The following ANTXR1 variants were observed in gnomAD, a reference collection of about 807,000 sequenced individuals.
The protein encoded by ANTXR1 is anthrax toxin receptor 1.
In ANTXR1, 19 loss-of-function variants were observed where a neutral mutation model predicts 78.1. The observed-to-expected ratio is 0.24, with a 90% CI of 0.17 to 0.36. The LOEUF (loss-of-function observed/expected upper bound fraction) is 0.36, where lower values mean the gene tolerates loss of function less well. Among genes scored for constraint, ANTXR1 ranks in the 10% least tolerant of loss-of-function variants. The pLI is 1.00. For missense variants in ANTXR1, 518 were observed against 718.6 expected, an observed-to-expected ratio of 0.72 and a Z score of 3.19; for synonymous variants, 273 against 260.5, an observed-to-expected ratio of 1.05 and a Z score of -0.46.
chr2:69,225,432 A>G (rs1675422013), intron 17 of ANTXR1, among the ~76,000 whole-genome samples: 2 of 152,224 alleles, frequency 1.3e-5, no homozygotes, highest in Non-Finnish European at 2.9e-5. Context: ...GTGAGCCATG[A>G]TCATGACACC....
chr2:69,111,922 A>C (rs983741736), intron 10 of ANTXR1, among the ~76,000 whole-genome samples: 1 of 152,204 alleles, frequency 6.6e-6, no homozygotes, highest in Admixed American at 6.5e-5. Flanking sequence ...GATCGAGGGC[A>C]GGAGAACATA....
intron 8 of ANTXR1, 127 bp downstream of exon 8, chr2:69,077,615 A>G (rs1036038903): frequency 6.9e-5 from 70 of 1,020,748 alleles, no homozygotes; most frequent in Non-Finnish European, 9.0e-5. Context: ...ATTTCTTCCT[A>G]TATCTTTGTG....
At chr2:69,050,351 AC>A (rs1669895032) in intron 3 of ANTXR1, among the ~76,000 whole-genome samples, 1 of 152,022 alleles carries the variant, frequency 6.6e-6, no homozygotes, top group Admixed American at 6.5e-5. Flanking sequence ...AACTAACCTT[AC>A]ATTCCTACAA....
At chr2:69,152,361 G>T in intron 13 of ANTXR1, 97 bp downstream of exon 13, 1 of 1,250,344 alleles carries the variant, frequency 8.0e-7, no homozygotes, top group East Asian at 2.3e-5. Context: ...AACTAAAGAT[G>T]GGAGACAAAT....
rs145727861 is a variant in ANTXR1 at position 69,142,879 on chromosome 2, T to G, written c.952-9290T>G. Among the ~76,000 whole-genome samples the G allele has an allele frequency of 2.7e-3, 416 of 152,184 alleles. 8 individuals carry two copies. The highest frequency in any genetic ancestry group is 1.9e-3 in the East Asian group (10 of 5,176). ...GAGAGGGCTTGTATGGGCTAAAGAC[T>G]CAAAGCCTTGTACCTAGCAGTCCAC... On this transcript the variant is annotated intron_variant, in intron 12 of 17. Transcript: ENST00000303714.
chr2:69,108,594 T>C (rs1671884640), intron 10 of ANTXR1, among the ~76,000 whole-genome samples: 1 of 152,196 alleles, frequency 6.6e-6, no homozygotes, highest in Non-Finnish European at 1.5e-5. Context: ...CCATTAGTTA[T>C]TTTTCCTGAT....
intron 17 of ANTXR1, among the ~76,000 whole-genome samples, chr2:69,206,768 T>A (rs1674915590): frequency 6.6e-6 from 1 of 152,200 alleles, no homozygotes; most frequent in Non-Finnish European, 1.5e-5. Flanking sequence ...GAACTGCCCA[T>A]ATCCCATGGT....
At chr2:69,026,507 G>A (rs1284896495) in intron 1 of ANTXR1, among the ~76,000 whole-genome samples, 2 of 152,228 alleles carry the variant, frequency 1.3e-5, no homozygotes, top group Non-Finnish European at 1.5e-5. Flanking sequence ...CTCAGTAAAT[G>A]TGAAGTGTCA....
intron 13 of ANTXR1, among the ~76,000 whole-genome samples, chr2:69,169,637 A>G (rs1673923786): frequency 6.6e-6 from 1 of 152,192 alleles, no homozygotes; most frequent in Non-Finnish European, 1.5e-5. Flanking sequence ...GAATCTTATA[A>G]CACTGTTAGT....
chr2:69,169,753 A>G (rs1673927385), intron 13 of ANTXR1, among the ~76,000 whole-genome samples: 1 of 152,248 alleles, frequency 6.6e-6, no homozygotes, highest in Non-Finnish European at 1.5e-5. Flanking sequence ...TCCACCCTGC[A>G]AAGACACCCG....
intron 12 of ANTXR1, chr2:69,145,918 C>T (rs1673213786): frequency 2.0e-6 from 2 of 985,634 alleles, no homozygotes; most frequent in African/African-American, 3.5e-5. Flanking sequence ...GCAAGAGATG[C>T]TTTCATTATT....
chr2:69,100,403 G>T (rs1209192517), intron 9 of ANTXR1, among the ~76,000 whole-genome samples: 2 of 152,056 alleles, frequency 1.3e-5, no homozygotes, highest in African/African-American at 4.8e-5. Flanking sequence ...TTCCTCCACC[G>T]TCTCCCCCTG....
At chr2:69,223,208 G>T (rs1675364907) in intron 17 of ANTXR1, among the ~76,000 whole-genome samples, 1 of 152,198 alleles carries the variant, frequency 6.6e-6, no homozygotes, top group African/African-American at 2.4e-5. Context: ...GGATAGGGAG[G>T]AAAGCTATAC....
rs536384019 is a variant in ANTXR1, at chr2:69,157,522, C to A, written c.1047+5258C>A. ...AACCTGCTCTTCATCAATGGATGTG[C>A]CATTGTTCTCCAGGCTGCCCAGACT... On this transcript the variant is annotated intron_variant, in intron 13 of 17. Coordinates refer to ENST00000303714, the MANE Select transcript of ANTXR1 (RefSeq NM_032208.3). Among the ~76,000 whole-genome samples, 4 of 152,126 alleles carry A rather than the reference C, an allele frequency of 2.6e-5. No individual in the cohort carries two copies. In the South Asian group the frequency reaches 8.3e-4, roughly 32 times the overall value.
chr2:69,154,489 A>C (rs1404746155), intron 13 of ANTXR1, among the ~76,000 whole-genome samples: 3 of 152,194 alleles, frequency 2.0e-5, no homozygotes, highest in Admixed American at 6.5e-5. Context: ...CTCAGGAATG[A>C]AGGCAAACAT....
At chr2:69,190,999 C>T (rs1056216912) in intron 16 of ANTXR1, among the ~76,000 whole-genome samples, 6 of 151,930 alleles carry the variant, frequency 3.9e-5, no homozygotes, top group African/African-American at 9.7e-5. Flanking sequence ...CTTCTGAAAA[C>T]GAAGGGGAAA....
chr2:69,132,728 G>A (rs1250489602), intron 12 of ANTXR1, among the ~76,000 whole-genome samples: 2 of 152,210 alleles, frequency 1.3e-5, no homozygotes, highest in African/African-American at 4.8e-5. Flanking sequence ...ATGCATGTGG[G>A]CCTCTTTACT....
intron 17 of ANTXR1, among the ~76,000 whole-genome samples, chr2:69,208,408 T>C (rs559726705): frequency 6.6e-6 from 1 of 152,224 alleles, no homozygotes; most frequent in Admixed American, 6.5e-5. Context: ...ATGTGGCTAG[T>C]GAGAAATGAC....
chr2:69,075,120 GTGA>G (rs1371981033), intron 6 of ANTXR1, among the ~76,000 whole-genome samples: 1 of 150,298 alleles, frequency 6.7e-6, no homozygotes, highest in Non-Finnish European at 1.5e-5. Context: ...CTAGCCTTGT[GTGA>G]GGAGCTCTGT....
Sources: gnomAD v4.1 joint callset for allele counts (sites outside exome capture counted in the v4.1 genomes callset) on GRCh38, gnomAD v4.1.1 for gene constraint, MANE v1.5 for transcripts, NCBI Gene and HGNC (gene_info 2026-07-23, HGNC 2026-07-21) for gene names.